The following CCNYL1 variants were observed in gnomAD, a reference collection of about 807,000 sequenced individuals.
The protein encoded by CCNYL1 is cyclin Y like 1, also known as cyclin-Y-like protein 1.
Under a neutral mutation model 44.2 loss-of-function variants are expected in CCNYL1, and 16 were observed. The ratio of observed to expected loss-of-function variants is 0.36; its 90% CI spans 0.25 to 0.55. The LOEUF (loss-of-function observed/expected upper bound fraction) is 0.55, where lower values mean the gene tolerates loss of function less well. Among genes scored for constraint, CCNYL1 ranks in the 20% least tolerant of loss-of-function variants. CCNYL1 has a pLI of 0.85. For missense variants in CCNYL1, 348 were observed against 451.8 expected (o/e 0.77, Z 2.08); for synonymous variants, 159 against 163.2 (o/e 0.97, Z 0.20).
intron 3 of CCNYL1, among the ~76,000 whole-genome samples, chr2:207,727,255 TCCA>T (rs939513495): frequency 6.6e-6 from 1 of 152,202 alleles, no homozygotes; most frequent in African/African-American, 2.4e-5. Context: ...GCTTCCTCAC[TCCA>T]CCGTGACCTT....
At chr2:207,747,501 TTACAAG>T (rs77320677) in intron 8 of CCNYL1, among the ~76,000 whole-genome samples, 23,436 of 151,978 alleles carry the variant, frequency 0.15, 2,944 homozygotes, top group East Asian at 0.38. Context: ...GGCAAAAATC[TTACAAG>T]TATACTACCA....
At chr2:207,729,345 T>C (rs910756997) in intron 3 of CCNYL1, among the ~76,000 whole-genome samples, 1 of 145,508 alleles carries the variant, frequency 6.9e-6, no homozygotes, top group African/African-American at 2.5e-5. Context: ...TCTTTTACTT[T>C]ATGCTCTAAC....
chr2:207,740,075 C>G (rs2663881), intron 5 of CCNYL1, among the ~76,000 whole-genome samples: 23,462 of 151,962 alleles, frequency 0.15, 2,950 homozygotes, highest in East Asian at 0.38. Context: ...AGTCCACAGA[C>G]CACACTTGGA....
intron 3 of CCNYL1, among the ~76,000 whole-genome samples, chr2:207,729,032 T>G (rs2091701100): frequency 6.6e-6 from 1 of 152,000 alleles, no homozygotes; most frequent in African/African-American, 2.4e-5. Flanking sequence ...CTCCTGACCT[T>G]GTGATCTGCC....
In CCNYL1 at chr2:207,754,221, T is replaced by TA. The variant is rs3215182; in HGVS notation, c.*524dup. The TA allele has an allele frequency of 0.54, 82,065 of 152,484 alleles. 22,737 individuals carry two copies. The highest frequency in any genetic ancestry group is 0.73 in the East Asian group (3,785 of 5,172). 9.4% of individuals were successfully genotyped at this position (152,484 alleles called of 1,614,324 possible). ...CTGAAGGGTTCTTCCTCCCTACTGT[T>TA]ACCATTGAAGCTGCTAGTCATTGGC... On this transcript the variant is annotated 3_prime_UTR_variant, in exon 10 of 10. Transcript: ENST00000295414.
chr2:207,732,907 C>T (rs939061917), intron 3 of CCNYL1, among the ~76,000 whole-genome samples: 2 of 152,174 alleles, frequency 1.3e-5, no homozygotes, highest in Admixed American at 6.5e-5. Flanking sequence ...ATTTGTCAAA[C>T]ACTTGTTGAA....
At chr2:207,730,436 C>G (rs1388355055) in intron 3 of CCNYL1, among the ~76,000 whole-genome samples, 1 of 152,170 alleles carries the variant, frequency 6.6e-6, no homozygotes, top group Admixed American at 6.5e-5. Flanking sequence ...ACTCCTTTGT[C>G]TTTTTCATCT....
At chr2:207,728,658 T>A (rs2091698623) in intron 3 of CCNYL1, among the ~76,000 whole-genome samples, 1 of 152,216 alleles carries the variant, frequency 6.6e-6, no homozygotes, top group African/African-American at 2.4e-5. Flanking sequence ...TATTATGTTC[T>A]CATTATAGTA....
Position 207,740,701 on chromosome 2 carries a change from C to T in CCNYL1, c.514C>T (p.Leu172Phe). 1 of 1,600,018 alleles carries T rather than the reference C, an allele frequency of 6.2e-7. No individual in the cohort carries two copies. The highest frequency in any genetic ancestry group is 1.1e-5 in the South Asian group (1 of 90,312). ...LDIFDERSHP[L>F]TREKVPEEYF... ...TATTTTTGATGAGAGATCACATCCA[C>T]TTACAGTAAGTGTCACTTTTTTTGA... is the stretch of plus-strand genomic sequence containing the variant. The change falls in exon 6 of 10, where the codon CTT becomes TTT. Residue 172 changes from leucine (L) to phenylalanine (F), a missense_variant. Leu to Phe is a conservative substitution (Grantham distance 22). Around this residue, in one of 3 missense-constraint regions of CCNYL1, gnomAD observed 209 missense variants for 247.7 expected, o/e 0.84. Coordinates refer to ENST00000295414, the MANE Select transcript of CCNYL1 (RefSeq NM_001330218.2).
intron 1 of CCNYL1, among the ~76,000 whole-genome samples, chr2:207,715,580 A>C (rs1409181734): frequency 6.6e-6 from 1 of 150,696 alleles, no homozygotes; most frequent in African/African-American, 2.4e-5. Flanking sequence ...GGGTTTCAGT[A>C]TGTTGGCCAG....
chr2:207,738,509 C>G (rs1484405925), intron 5 of CCNYL1, among the ~76,000 whole-genome samples: 2 of 152,116 alleles, frequency 1.3e-5, no homozygotes, highest in Non-Finnish European at 2.9e-5. Flanking sequence ...GCATGAGCCA[C>G]CATACCCGGC....
intron 2 of CCNYL1, among the ~76,000 whole-genome samples, chr2:207,725,869 AC>A (rs780221278): frequency 6.6e-6 from 1 of 152,232 alleles, no homozygotes; most frequent in Non-Finnish European, 1.5e-5. Flanking sequence ...GCTATATACA[AC>A]CAGGTTTTTC....
At chr2:207,723,233 T>C (rs1158126802) in intron 1 of CCNYL1, among the ~76,000 whole-genome samples, 1 of 152,178 alleles carries the variant, frequency 6.6e-6, no homozygotes, top group Non-Finnish European at 1.5e-5. Context: ...GGCAGTACTA[T>C]TAAAATGGAT....
intron 5 of CCNYL1, among the ~76,000 whole-genome samples, chr2:207,740,050 T>G (rs2091796441): frequency 6.6e-6 from 1 of 152,228 alleles, no homozygotes; most frequent in South Asian, 2.1e-4. Flanking sequence ...GAAAAGGATC[T>G]AGAGGGTCTC....
chr2:207,712,171 C>T (rs1217019749), intron 1 of CCNYL1, 55 bp downstream of exon 1: 1 of 1,464,922 alleles, frequency 6.8e-7, no homozygotes. Context: ...CCGCCTCCTC[C>T]CCCAGAGTCC....
chr2:207,747,583 C>T (rs775102690), intron 8 of CCNYL1, among the ~76,000 whole-genome samples: 15 of 152,134 alleles, frequency 9.9e-5, no homozygotes, highest in South Asian at 2.1e-4. Context: ...GAGTCTTGCT[C>T]GGTTGCCTAG....
intron 4 of CCNYL1, among the ~76,000 whole-genome samples, chr2:207,737,195 G>A (rs1054585113): frequency 5.9e-5 from 9 of 152,168 alleles, no homozygotes; most frequent in Non-Finnish European, 1.0e-4. Flanking sequence ...GATTACAGGC[G>A]TGAGCCACTG....
rs907205982 is a variant in CCNYL1 at position 207,744,916 on chromosome 2, G to A, written c.640-2131G>A. Among the ~76,000 whole-genome samples, 14 of 152,314 alleles carry A rather than the reference G, an allele frequency of 9.2e-5. No homozygotes were observed. The South Asian group carries it at 2.3e-3, about 25-fold the overall frequency. ...CATAGCAGGAATTGTGCACAGTCTG[G>A]TGTGGGATAACTTGAATGTAGGTAT... On this transcript the variant is annotated intron_variant, in intron 7 of 9. Coordinates refer to ENST00000295414, the MANE Select transcript of CCNYL1 (RefSeq NM_001330218.2).
chr2:207,717,296 C>A (rs2091604766), intron 1 of CCNYL1, among the ~76,000 whole-genome samples: 1 of 151,964 alleles, frequency 6.6e-6, no homozygotes, highest in African/African-American at 2.4e-5. Context: ...GATGACAAAT[C>A]AAGAGAGAAT....
Sources: allele counts gnomAD v4.1 joint callset (sites outside exome capture counted in the v4.1 genomes callset), GRCh38; gene constraint gnomAD v4.1.1; regional missense constraint gnomAD v4.1.1; transcripts MANE v1.5; gene names NCBI Gene and HGNC (gene_info 2026-07-23, HGNC 2026-07-21).